Variants in IGLON5 observed in about 807,000 individuals in gnomAD.
IGLON5 encodes the protein Ig-like domain-containing protein ENSP00000270642.
In IGLON5, 16 loss-of-function variants were observed where a neutral mutation model predicts 38.2. The observed-to-expected ratio is 0.42, with a 90% CI of 0.28 to 0.64. The LOEUF (loss-of-function observed/expected upper bound fraction) is 0.64, where lower values mean the gene tolerates loss of function less well. Ranked by LOEUF, IGLON5 falls within the 30% of genes least tolerant of loss-of-function variation. IGLON5 has a pLI of 0.23. For missense variants in IGLON5, 366 were observed against 483.4 expected, an observed-to-expected ratio of 0.76 and a Z score of 2.28; for synonymous variants, 207 against 216.4, an observed-to-expected ratio of 0.96 and a Z score of 0.38.
intron 1 of IGLON5, among the ~76,000 whole-genome samples, chr19:51,321,478 C>A (rs1158055771): frequency 6.6e-6 from 1 of 152,060 alleles, no homozygotes; most frequent in Admixed American, 6.6e-5. Flanking sequence ...CGCACCTGGC[C>A]GTATCTATGT....
Position 51,329,629 on chromosome 19 carries a change from C to G in IGLON5, c.*870C>G, listed in dbSNP as rs1470180981. On this transcript the variant is annotated 3_prime_UTR_variant, in exon 8 of 8. Coordinates refer to ENST00000270642, the MANE Select transcript of IGLON5 (RefSeq NM_001101372.3). The surrounding 1 kb of genome is among the most constrained non-coding windows in gnomAD (Gnocchi z 4.3). ...TGTCTGTTTCAGTGCTTTGCCCTAC[C>G]CTTGCCACCACTCCCCTTGGCCTTG... is the stretch of plus-strand genomic sequence containing the variant. 3 of 152,248 alleles carry G rather than the reference C, an allele frequency of 2.0e-5. No homozygotes were observed. Among genetic ancestry groups the G allele is most frequent in the African/African-American group, 7.2e-5 (3 of 41,414 alleles). The allele number at this position is 152,248 out of a possible 1,614,324, so 9.4% of individuals were successfully genotyped here.
intron 1 of IGLON5, among the ~76,000 whole-genome samples, chr19:51,315,755 G>A (rs1984903916): frequency 6.9e-6 from 1 of 144,538 alleles, no homozygotes; most frequent in East Asian, 2.1e-4. Flanking sequence ...GAGTGCAGTG[G>A]CACTATCTCA....
chr19:51,322,179 G>A lies in IGLON5; in HGVS notation c.158+37G>A, dbSNP rs753673139. The stretch of plus-strand genomic sequence containing the variant: ...GGTGGGTGGGGACTCAGATCTCATG[G>A]AGCCATGCGGTCCTGCCCCTTCACC... On this transcript the variant is annotated intron_variant, in intron 2 of 7. Coordinates refer to ENST00000270642, the MANE Select transcript of IGLON5 (RefSeq NM_001101372.3). 6.0e-6 allele frequency: 9 copies of A among 1,512,190 alleles called. No individual in the cohort carries two copies. In the African/African-American group the frequency reaches 8.2e-5, roughly 14 times the overall value. The allele number at this position is 1,512,190 out of a possible 1,614,324, so 93.7% of individuals were successfully genotyped here.
At chr19:51,312,957 G>C (rs941372963) in intron 1 of IGLON5, among the ~76,000 whole-genome samples, 1 of 152,130 alleles carries the variant, frequency 6.6e-6, no homozygotes, top group African/African-American at 2.4e-5. Flanking sequence ...AGGGAGCTGG[G>C]TTAATTCAGA....
In IGLON5 at chr19:51,325,252, G is replaced by A. The variant is rs1434886214; in HGVS notation, c.392-94G>A. Reference sequence around the variant, plus strand: ...AACTCCTGGGTCTGAGGGAGGAGGAGGGGCTGGGGGTCTGGACTCCTGGGT... The same window carrying A: ...AACTCCTGGGTCTGAGGGAGGAGGAAGGGCTGGGGGTCTGGACTCCTGGGT... On this transcript the variant is annotated intron_variant, in intron 3 of 7. Coordinates refer to ENST00000270642, the MANE Select transcript of IGLON5 (RefSeq NM_001101372.3). The surrounding 1 kb of genome is among the most constrained non-coding windows in gnomAD (Gnocchi z 5.5). 2.6e-6 allele frequency: 4 copies of A among 1,533,558 alleles called. No individual in the cohort carries two copies. The highest frequency in any genetic ancestry group is 3.5e-6 in the Non-Finnish European group (4 of 1,135,120). 95.0% of individuals were successfully genotyped at this position (1,533,558 alleles called of 1,614,324 possible).
At chr19:51,318,803 G>A (rs1984984235) in intron 1 of IGLON5, among the ~76,000 whole-genome samples, 1 of 152,132 alleles carries the variant, frequency 6.6e-6, no homozygotes, top group Non-Finnish European at 1.5e-5. Context: ...CAACTCATGG[G>A]GGCAGTGCCT....
chr19:51,322,291 G>T, intron 2 of IGLON5, 149 bp downstream of exon 2: 1 of 673,464 alleles, frequency 1.5e-6, no homozygotes, highest in Non-Finnish European at 2.6e-6. Context: ...ACACAGCTAT[G>T]AGCTGGCTCC....
At chr19:51,317,544 G>C (rs1984951584) in intron 1 of IGLON5, among the ~76,000 whole-genome samples, 1 of 152,186 alleles carries the variant, frequency 6.6e-6, no homozygotes, top group Non-Finnish European at 1.5e-5. Context: ...GTTATGCAAG[G>C]TTGGCTTTAT....
chr19:51,318,655 T>C (rs1984981278), intron 1 of IGLON5, among the ~76,000 whole-genome samples: 1 of 151,996 alleles, frequency 6.6e-6, no homozygotes, highest in African/African-American at 2.4e-5. Flanking sequence ...GGATTGCTTT[T>C]GCTGGGGAGG....
intron 1 of IGLON5, among the ~76,000 whole-genome samples, chr19:51,316,747 G>A (rs1169817373): frequency 1.3e-5 from 2 of 152,010 alleles, no homozygotes; most frequent in Non-Finnish European, 2.9e-5. Flanking sequence ...ATCCGCCTTG[G>A]CCTCCCAAAG....
rs1027116217 is a variant in IGLON5 at position 51,327,024 on chromosome 19, G to A, written c.647-56G>A. The A allele has an allele frequency of 2.5e-6, 4 of 1,599,272 alleles. No homozygotes were observed. The highest frequency in any genetic ancestry group is 3.4e-6 in the Non-Finnish European group (4 of 1,174,420). On this transcript the variant is annotated intron_variant, in intron 5 of 7. Coordinates refer to ENST00000270642, the MANE Select transcript of IGLON5 (RefSeq NM_001101372.3). This position sits in a 1 kb window ranked among gnomAD's most constrained non-coding sequence, Gnocchi z 7.1. ...CTGAGGGAGGCGGGGGCTGGGGGCGGGACCCCTTCGTCCCCACGCGGCTAG... is the reference window on the plus strand; with the variant it reads ...CTGAGGGAGGCGGGGGCTGGGGGCGAGACCCCTTCGTCCCCACGCGGCTAG...
intron 2 of IGLON5, among the ~76,000 whole-genome samples, chr19:51,322,931 G>A (rs1439626843): frequency 1.4e-5 from 2 of 142,018 alleles, no homozygotes; most frequent in Non-Finnish European, 3.0e-5. Flanking sequence ...CTCTGCCTCT[G>A]GGTCTCTGTC....
chr19:51,314,124 T>C (rs1984852304), intron 1 of IGLON5, among the ~76,000 whole-genome samples: 1 of 151,766 alleles, frequency 6.6e-6, no homozygotes, highest in African/African-American at 2.4e-5. Context: ...TCCCCCACTT[T>C]CCTGTTTCTT....
chr19:51,327,341 G>A lies in IGLON5; in HGVS notation c.767+141G>A. ...AACCTGGGGCGTCCAGCTTCTAGGTGATGGGATCTGTCCAGCCCCGGAGAC... is the reference window on the plus strand; with the variant it reads ...AACCTGGGGCGTCCAGCTTCTAGGTAATGGGATCTGTCCAGCCCCGGAGAC... On this transcript the variant is annotated intron_variant, in intron 6 of 7. Coordinates refer to ENST00000270642, the MANE Select transcript of IGLON5 (RefSeq NM_001101372.3). The surrounding 1 kb of genome is among the most constrained non-coding windows in gnomAD (Gnocchi z 7.1). The A allele has an allele frequency of 1.3e-5, 15 of 1,185,946 alleles. No individual in the cohort carries two copies. The highest frequency in any genetic ancestry group is 1.6e-5 in the Non-Finnish European group (14 of 853,244). 73.5% of individuals were successfully genotyped at this position (1,185,946 alleles called of 1,614,324 possible).
intron 7 of IGLON5, 117 bp from the exon 8 acceptor site, chr19:51,328,554 T>A (rs1599829247): frequency 2.2e-6 from 1 of 463,708 alleles, no homozygotes; most frequent in East Asian, 3.6e-5. Context: ...GCACACCCAA[T>A]GAGAGATCCA....
Position 51,327,911 on chromosome 19 carries a change from C to T in IGLON5, c.922+25C>T. 1 of 561,720 alleles carries T rather than the reference C, an allele frequency of 1.8e-6. No homozygotes were observed. The highest frequency in any genetic ancestry group is 2.5e-6 in the Non-Finnish European group (1 of 403,728). 34.8% of individuals were successfully genotyped at this position (561,720 alleles called of 1,614,324 possible). ...CGTGCGTCTTCGGGCGGGGCGGGGC[C>T]GGGAAGGTGGGCGGGGCCGGGGGCG... is the stretch of plus-strand genomic sequence containing the variant. On this transcript the variant is annotated intron_variant, in intron 7 of 7. Coordinates refer to ENST00000270642, the MANE Select transcript of IGLON5 (RefSeq NM_001101372.3). The surrounding 1 kb of genome is among the most constrained non-coding windows in gnomAD (Gnocchi z 7.1).
rs191059116 is a variant in IGLON5, at chr19:51,316,503, T to C, written c.79+4577T>C. Among the ~76,000 whole-genome samples the C allele has an allele frequency of 4.7e-3, 702 of 150,212 alleles. 4 individuals carry two copies. The highest frequency in any genetic ancestry group is 0.016 in the African/African-American group (637 of 40,968). On this transcript the variant is annotated intron_variant, in intron 1 of 7. Coordinates refer to ENST00000270642, the MANE Select transcript of IGLON5 (RefSeq NM_001101372.3). ...TTTTTCTTTTCTTTTCTTTTCTTTT[T>C]TTTTTTTTAAGACGGAGTCTCGCTG...
At chr19:51,323,030 T>C (rs116407025) in intron 2 of IGLON5, among the ~76,000 whole-genome samples, 1,533 of 151,126 alleles carry the variant, frequency 0.01, 29 homozygotes, top group African/African-American at 0.035. Context: ...TCTGGGTCTC[T>C]GTCCCCCTCT....
In IGLON5 at chr19:51,327,069, C is replaced by T. The variant is rs1474032566; in HGVS notation, c.647-11C>T. On this transcript the variant is annotated splice_polypyrimidine_tract_variant and intron_variant, in intron 5 of 7. Coordinates refer to ENST00000270642, the MANE Select transcript of IGLON5 (RefSeq NM_001101372.3). This position sits in a 1 kb window ranked among gnomAD's most constrained non-coding sequence, Gnocchi z 7.1. ...GGCTAGGAGAATTCGCTGACCCTTG[C>T]CCCTCGCCAGATCCTCCGACCATCA... The T allele has an allele frequency of 3.7e-6, 6 of 1,604,096 alleles. No homozygotes were observed. Among genetic ancestry groups the T allele is most frequent in the Non-Finnish European group, 2.6e-6 (3 of 1,174,316 alleles).
Sources: allele counts gnomAD v4.1 joint callset (sites outside exome capture counted in the v4.1 genomes callset), GRCh38; gene constraint gnomAD v4.1.1; non-coding constraint Gnocchi (gnomAD v3.1); transcripts MANE v1.5; gene names NCBI Gene and HGNC (gene_info 2026-07-23, HGNC 2026-07-21).